KMT2D: variants seen among roughly 807,000 people sequenced by gnomAD.
KMT2D encodes the protein lysine methyltransferase 2D, also known as histone-lysine N-methyltransferase 2D.
KMT2D carries 55 observed loss-of-function variants against 512.7 expected under a neutral mutation model. That is an observed-to-expected ratio of 0.11 (90% CI 0.09 to 0.13). The LOEUF (loss-of-function observed/expected upper bound fraction) is 0.13. Among genes scored for constraint, KMT2D ranks in the 10% least tolerant of loss-of-function variants. The pLI is 1.00. For synonymous variants in KMT2D, 2,995 were observed against 2,904.0 expected (o/e 1.03, Z -1.01); for missense variants, 6,061 against 7,127.9 (o/e 0.85, Z 5.39).
rs2120433976 is a variant in KMT2D, at chr12:49,032,723, TTGC to T, written c.11979_11981del (p.Gln3994del). 6.2e-7 allele frequency: 1 copy of T among 1,606,792 alleles called. No homozygotes were observed. Among genetic ancestry groups the T allele is most frequent in the Non-Finnish European group, 8.5e-7 (1 of 1,176,528 alleles). ...CTGGCATGCCAGGGCCAAGTGCCAC[TTGC>T]TGCTGCTGTTGTTGCTGAGGAGACA... On this transcript the variant is annotated inframe_deletion, in exon 40 of 55. Transcript: ENST00000301067.
chr12:49,025,951 A>G (rs1414826177), intron 49 of KMT2D, among the ~76,000 whole-genome samples: 1 of 152,218 alleles, frequency 6.6e-6, no homozygotes, highest in Non-Finnish European at 1.5e-5. Context: ...CAGAACTAGA[A>G]TATGTGAGAT....
chr12:49,042,062 T>C lies in KMT2D; in HGVS notation c.6109+27A>G, dbSNP rs778377048. 7 of 1,612,512 alleles carry C rather than the reference T, an allele frequency of 4.3e-6. No individual in the cohort carries two copies. In the South Asian group the frequency reaches 5.5e-5, roughly 13 times the overall value. ...CTCCACCTGCCATGTTGCCAGGCTG[T>C]CTCCCTTGCCCTCATCCCACAGGTA... On this transcript the variant is annotated intron_variant, in intron 29 of 54. Transcript: ENST00000301067. This position sits in a 1 kb window ranked among gnomAD's most constrained non-coding sequence, Gnocchi z 4.4.
Position 49,052,225 on chromosome 12 carries a change from G to A in KMT2D, c.1458C>T (p.Ser486=), listed in dbSNP as rs1382698369. The change falls in exon 11 of 55, where the codon TCC becomes TCT. Residue 486 remains serine (S), a synonymous_variant. Transcript: ENST00000301067. ...ASPLPEALHL[S]RPLEESPLSP... ...AGAGGGGCGATTCCTCCAGCGGCCG[G>A]GACAGGTGCAATGCCTCAGGAAGTG... 1 of 1,612,224 alleles carries A rather than the reference G, an allele frequency of 6.2e-7. No homozygotes were observed. Among genetic ancestry groups the A allele is most frequent in the South Asian group, 1.1e-5 (1 of 90,992 alleles).
Position 49,026,304 on chromosome 12 carries a change from G to C in KMT2D, c.15662C>G (p.Thr5221Ser), listed in dbSNP as rs773714583. The C allele has an allele frequency of 6.2e-7, 1 of 1,611,924 alleles. No homozygotes were observed. Residue 5221 changes from threonine (T) to serine (S), a missense_variant, in exon 49 of 55, where the codon ACC becomes AGC. By Grantham distance (58) the Thr-to-Ser change is moderately conservative. This residue lies in a region of KMT2D where 261 missense variants were observed against 440.7 expected (regional missense o/e 0.59). Transcript: ENST00000301067. The surrounding 1 kb of genome is among the most constrained non-coding windows in gnomAD (Gnocchi z 9.6). ...GCGATAGCAGCAGCGACGATTGTTGGTGCGGAGGCTCCAATAGATGCGCGT... is the reference window on the plus strand; with the variant it reads ...GCGATAGCAGCAGCGACGATTGTTGCTGCGGAGGCTCCAATAGATGCGCGT... ...EATRIYWSLR[T>S]NNRRCCYRCS... is the part of the protein sequence containing the mutation.
chr12:49,060,789 A>AGCGGC lies in KMT2D; in HGVS notation c.-1219_-1215dup, dbSNP rs1297934542. Reference sequence around the variant, plus strand: ...GCGGCCCTATTTTGTGTTGGAGCGGAGCGGCGGAGGGATCCCGCCCTCTCG... The same window carrying AGCGGC: ...GCGGCCCTATTTTGTGTTGGAGCGGAGCGGCGCGGCGGAGGGATCCCGCCCTCTCG... On this transcript the variant is annotated 5_prime_UTR_variant, in exon 1 of 55. Transcript: ENST00000301067. 2.6e-5 allele frequency among the ~76,000 whole-genome samples: 4 copies of AGCGGC among 151,986 alleles called. No individual in the cohort carries two copies. Among genetic ancestry groups the AGCGGC allele is most frequent in the African/African-American group, 9.7e-5 (4 of 41,378 alleles).
chr12:49,057,140 G>A (rs1007602994), intron 1 of KMT2D, among the ~76,000 whole-genome samples: 14 of 152,286 alleles, frequency 9.2e-5, no homozygotes, highest in African/African-American at 2.6e-4. Context: ...CATGGGAAGT[G>A]GGAGGTGGAG....
In KMT2D at chr12:49,039,955, A is replaced by G. The variant is rs2120520206; in HGVS notation, c.7815T>C (p.Tyr2605=). 6.2e-7 allele frequency: 1 copy of G among 1,613,916 alleles called. No homozygotes were observed. Among genetic ancestry groups the G allele is most frequent in the Non-Finnish European group, 8.5e-7 (1 of 1,179,842 alleles). Residue 2605 remains tyrosine (Y), a synonymous_variant, in exon 32 of 55, where the codon TAT becomes TAC. Coordinates refer to ENST00000301067, the MANE Select transcript of KMT2D (RefSeq NM_003482.4). The surrounding 1 kb of genome is among the most constrained non-coding windows in gnomAD (Gnocchi z 5.0). ...GPSSGSTGES[Y]GLSPLRPPSV... ...ACGGAGGGCGTAGTGGGGACAGCCC[A>G]TAGCTCTCCCCTGTGGACCCGCTGC...
At chr12:49,056,200 G>A (rs948213764) in intron 1 of KMT2D, among the ~76,000 whole-genome samples, 6 of 152,182 alleles carry the variant, frequency 3.9e-5, no homozygotes, top group African/African-American at 1.2e-4. Context: ...AGGAAGCATA[G>A]AGCCACTCAG....
rs757025426 is a variant in KMT2D, at chr12:49,044,042, T to C, written c.5189-44A>G. The C allele has an allele frequency of 8.7e-6, 14 of 1,610,038 alleles. No homozygotes were observed. Among genetic ancestry groups the C allele is most frequent in the African/African-American group, 1.3e-5 (1 of 74,866 alleles). On this transcript the variant is annotated intron_variant, in intron 22 of 54. Coordinates refer to ENST00000301067, the MANE Select transcript of KMT2D (RefSeq NM_003482.4). The surrounding 1 kb of genome is among the most constrained non-coding windows in gnomAD (Gnocchi z 6.4). ...TGTCAGACTCGGGTTGAGAGCATGC[T>C]GCTCCCAACTTGCAGGGTGACACTT...
At position 49,029,460 on chromosome 12, in the gene KMT2D, C is replaced by G. The variant is rs761637319; in HGVS notation, c.14016G>C (p.Lys4672Asn). 28 of 1,555,958 alleles carry G rather than the reference C, an allele frequency of 1.8e-5. No homozygotes were observed. The highest frequency in any genetic ancestry group is 2.4e-5 in the Non-Finnish European group (28 of 1,149,196). The change falls in exon 44 of 55, where the codon AAG (lysine) becomes AAC (asparagine). Residue 4672 changes from lysine (K) to asparagine (N), a missense_variant. Transcript: ENST00000301067. ...GCAAGGCAGCCAGCAGGTCTAGACT[C>G]TTCACCTCTGAAGTATCTGAGGGGT... ...ERALRDTSEV[K>N]SLDLLAALPT...
chr12:49,028,070 C>T lies in KMT2D; in HGVS notation c.14454G>A (p.Leu4818=), dbSNP rs376790369. 1.2e-6 allele frequency: 2 copies of T among 1,613,994 alleles called. No homozygotes were observed. The highest frequency in any genetic ancestry group is 1.7e-6 in the Non-Finnish European group (2 of 1,179,884). The change falls in exon 47 of 55, where the codon CTG becomes CTA. Residue 4818 remains leucine (L), a synonymous_variant. Transcript: ENST00000301067. ...CTGCCCGGGCGGGGCTCTCTGGGAA[C>T]AGCACCTCATAGGAGTTGGGGATCT... ...SMKIPNSYEV[L]FPESPARAGT...
intron 49 of KMT2D, 94 bp from the exon 50 acceptor site, chr12:49,025,040 C>A (rs2137712633): frequency 2.2e-6 from 3 of 1,372,058 alleles, no homozygotes; most frequent in Non-Finnish European, 3.0e-6. Flanking sequence ...TTTTCTGAGG[C>A]CTTCAAGCCT....
chr12:49,028,457 C>T (rs1215335439), intron 46 of KMT2D, among the ~76,000 whole-genome samples: 5 of 152,166 alleles, frequency 3.3e-5, no homozygotes, highest in Non-Finnish European at 5.9e-5. Flanking sequence ...AGTAAAGAAA[C>T]CCATATTGTC....
chr12:49,051,531 G>A lies in KMT2D; in HGVS notation c.2152C>T (p.Leu718=), dbSNP rs2120671440. Reference sequence around the variant, plus strand: ...AACAGGGGTGACTCCTCCAGCGGCAGGGACATGAGCGAGTCCTCCGGTGGT... The same window carrying A: ...AACAGGGGTGACTCCTCCAGCGGCAAGGACATGAGCGAGTCCTCCGGTGGT... The part of the protein sequence containing the change: ...SPPPEDSLMS[L]PLEESPLLPL... The change falls in exon 11 of 55, where the codon CTG becomes TTG. Residue 718 remains leucine (L), a synonymous_variant. Transcript: ENST00000301067. The A allele has an allele frequency of 6.2e-7, 1 of 1,613,440 alleles. No individual in the cohort carries two copies. Among genetic ancestry groups the A allele is most frequent in the Non-Finnish European group, 8.5e-7 (1 of 1,179,578 alleles).
In KMT2D at chr12:49,032,988, A is replaced by AGCT. The variant is rs944680171; in HGVS notation, c.11714_11716dup (p.Gln3905dup). The AGCT allele has an allele frequency of 7.4e-5, 115 of 1,550,556 alleles. No individual in the cohort carries two copies. Among genetic ancestry groups the AGCT allele is most frequent in the Non-Finnish European group, 9.3e-5 (107 of 1,146,700 alleles). ...CTGCTGAAGTTGCTGTTGCTGTTGC[A>AGCT]GCTGCTGCTGCTGCTGAAGCTGCTG... On this transcript the variant is annotated inframe_insertion, in exon 40 of 55. Transcript: ENST00000301067.
chr12:49,045,615 G>T (rs1237146342), intron 19 of KMT2D, among the ~76,000 whole-genome samples: 1 of 146,692 alleles, frequency 6.8e-6, no homozygotes, highest in African/African-American at 2.6e-5. Flanking sequence ...CTGCACTCCA[G>T]CCTGGGCAAC....
Position 49,052,927 on chromosome 12 carries a change from G to A in KMT2D, c.1100C>T (p.Pro367Leu), listed in dbSNP as rs547979245. The A allele has an allele frequency of 6.2e-6, 10 of 1,613,976 alleles. No individual in the cohort carries two copies. The highest frequency in any genetic ancestry group is 5.5e-5 in the South Asian group (5 of 91,082). The stretch of plus-strand genomic sequence containing the variant: ...CCCCACCACTTACCTGCTACACACC[G>A]GGGTATGCTGCTCAGCAACGGAGCG... ...TIRSVAEQHTPVCSRFSPPEP... is the reference protein window; with the variant it reads ...TIRSVAEQHTLVCSRFSPPEP... The change falls in exon 9 of 55, where the codon CCG (proline) becomes CTG (leucine). Residue 367 changes from proline (P) to leucine (L), a missense_variant. Around this residue, in one of 16 missense-constraint regions of KMT2D, gnomAD observed 848 missense variants for 838.5 expected, o/e 1.01. Coordinates refer to ENST00000301067, the MANE Select transcript of KMT2D (RefSeq NM_003482.4).
Position 49,024,521 on chromosome 12 carries a change from G to C in KMT2D, c.16052+57C>G, listed in dbSNP as rs1942477848. ...ATCCTAAATCCTCATAATGGGACCA[G>C]AGGATCCCTGTCAACACCCACACCC... On this transcript the variant is annotated intron_variant, in intron 51 of 54. Coordinates refer to ENST00000301067, the MANE Select transcript of KMT2D (RefSeq NM_003482.4). The surrounding 1 kb of genome is among the most constrained non-coding windows in gnomAD (Gnocchi z 4.5). 2 of 1,547,880 alleles carry C rather than the reference G, an allele frequency of 1.3e-6. No homozygotes were observed. The highest frequency in any genetic ancestry group is 2.7e-5 in the African/African-American group (2 of 72,930).
chr12:49,050,023 G>A lies in KMT2D; in HGVS notation c.3565C>T (p.Arg1189Cys), dbSNP rs556879323. The change falls in exon 12 of 55, where the codon CGT (arginine) becomes TGT (cysteine). Residue 1189 changes from arginine to cysteine, a missense_variant. Arg to Cys is a radical substitution (Grantham distance 180). Transcript: ENST00000301067. Reference protein sequence around the residue: ...GSPCEEQEEPRAPVAPTPPTL... With the variant: ...GSPCEEQEEPCAPVAPTPPTL... ...GGTGGTGTGGGGGCCACCGGTGCAC[G>A]TGGCTCTTCCTGTTCTTCACATGGT... The A allele has an allele frequency of 8.6e-5, 139 of 1,613,908 alleles. No individual in the cohort carries two copies. The South Asian group carries it at 1.3e-3, about 16-fold the overall frequency.
Sources: allele counts gnomAD v4.1 joint callset (sites outside exome capture counted in the v4.1 genomes callset), GRCh38; gene constraint gnomAD v4.1.1; regional missense constraint gnomAD v4.1.1; non-coding constraint Gnocchi (gnomAD v3.1); transcripts MANE v1.5; gene names NCBI Gene and HGNC (gene_info 2026-07-23, HGNC 2026-07-21).